TRIO: variants seen among roughly 807,000 people sequenced by gnomAD.
The protein encoded by TRIO is trio Rho guanine nucleotide exchange factor, also known as triple functional domain protein.
A neutral mutation model predicts 351.9 loss-of-function variants in TRIO; 58 were observed. The ratio of observed to expected loss-of-function variants is 0.16; its 90% CI spans 0.13 to 0.21. TRIO has a LOEUF of 0.21. TRIO is among the 10% of genes least tolerant of loss of function. The pLI is 1.00. For missense variants in TRIO, 3,201 were observed against 4,027.8 expected (o/e 0.79, Z 5.56); for synonymous variants, 1,758 against 1,595.7 (o/e 1.10, Z -2.42).
intron 10 of TRIO, 87 bp from the exon 11 acceptor site, chr5:14,336,449 G>A (rs1289767071): frequency 7.6e-7 from 1 of 1,308,182 alleles, no homozygotes; most frequent in East Asian, 2.3e-5. Flanking sequence ...ATCACAAATT[G>A]ACTGTGTTGC....
intron 13 of TRIO, among the ~76,000 whole-genome samples, chr5:14,361,604 T>C (rs1281538494): frequency 6.6e-6 from 1 of 152,244 alleles, no homozygotes; most frequent in African/African-American, 2.4e-5. Context: ...GATGGTAGAA[T>C]TGATCTGTTA....
At chr5:14,370,136 T>A (rs78771859) in intron 18 of TRIO, among the ~76,000 whole-genome samples, 1 of 151,654 alleles carries the variant, frequency 6.6e-6, no homozygotes, top group Non-Finnish European at 1.5e-5. Flanking sequence ...TTTTTTTTTT[T>A]AATTCAGCGA....
intron 9 of TRIO, among the ~76,000 whole-genome samples, chr5:14,326,122 G>T (rs1442046479): frequency 6.6e-6 from 1 of 152,192 alleles, no homozygotes; most frequent in African/African-American, 2.4e-5. Context: ...AGAGGGCCCT[G>T]CCTGTGTCTT....
intron 12 of TRIO, 63 bp from the exon 13 acceptor site, chr5:14,359,294 A>G: frequency 6.4e-7 from 1 of 1,562,852 alleles, no homozygotes; most frequent in Non-Finnish European, 8.7e-7. Context: ...GCGTGGCCGG[A>G]TCTGGTATCT....
At chr5:14,319,721 T>G (rs1739698756) in intron 9 of TRIO, among the ~76,000 whole-genome samples, 1 of 152,238 alleles carries the variant, frequency 6.6e-6, no homozygotes, top group Non-Finnish European at 1.5e-5. Flanking sequence ...TTTATGAAAG[T>G]AACCCCAGAG....
chr5:14,411,539 C>T (rs1431072152), intron 33 of TRIO, among the ~76,000 whole-genome samples: 1 of 152,178 alleles, frequency 6.6e-6, no homozygotes, highest in African/African-American at 2.4e-5. Flanking sequence ...TCATGTGGAA[C>T]CCCCTTCCCA....
chr5:14,330,204 T>A (rs975976869), intron 9 of TRIO, among the ~76,000 whole-genome samples: 2 of 152,256 alleles, frequency 1.3e-5, no homozygotes, highest in Non-Finnish European at 2.9e-5. Flanking sequence ...AACTTTTAAG[T>A]AATTAAATTC....
chr5:14,248,930 T>A (rs567292608), intron 1 of TRIO, among the ~76,000 whole-genome samples: 1 of 152,184 alleles, frequency 6.6e-6, no homozygotes, highest in Non-Finnish European at 1.5e-5. Flanking sequence ...CTGACGGTGG[T>A]GATCTCTCTC....
At chr5:14,304,739 A>C in intron 8 of TRIO, 147 bp downstream of exon 8, 3 of 953,260 alleles carry the variant, frequency 3.1e-6, no homozygotes, top group Non-Finnish European at 4.6e-6. Flanking sequence ...TAGCATTTGA[A>C]CCCCTGTGTG....
chr5:14,425,926 A>G (rs1750603970), intron 34 of TRIO, among the ~76,000 whole-genome samples: 1 of 152,248 alleles, frequency 6.6e-6, no homozygotes, highest in South Asian at 2.1e-4. Flanking sequence ...GTATTTTATT[A>G]TAGCAGCAGG....
intron 34 of TRIO, among the ~76,000 whole-genome samples, chr5:14,460,132 A>T (rs897931952): frequency 6.6e-6 from 1 of 151,962 alleles, no homozygotes; most frequent in Non-Finnish European, 1.5e-5. Flanking sequence ...TAGCCAGGAT[A>T]GTCTCGATCT....
intron 34 of TRIO, among the ~76,000 whole-genome samples, chr5:14,451,392 G>T (rs1752838500): frequency 6.6e-6 from 1 of 152,014 alleles, no homozygotes; most frequent in South Asian, 2.1e-4. Context: ...TGAAAGTGTA[G>T]AGATGACAAT....
chr5:14,218,013 A>G (rs1251268273), intron 1 of TRIO, among the ~76,000 whole-genome samples: 1 of 152,270 alleles, frequency 6.6e-6, no homozygotes, highest in Non-Finnish European at 1.5e-5. Context: ...CTGATTAAAT[A>G]AATAAAAGTC....
chr5:14,291,788 TAAAAAAAAAAAAAAAAAA>T (rs57424190), intron 5 of TRIO, among the ~76,000 whole-genome samples: 1 of 101,018 alleles, frequency 9.9e-6, no homozygotes, highest in Admixed American at 1.2e-4. Context: ...GACTCCGTCT[TAAAAAAAAAAAAAAAAAA>T]AAAAAAAAAA....
At chr5:14,243,903 C>A (rs931048224) in intron 1 of TRIO, among the ~76,000 whole-genome samples, 1 of 152,194 alleles carries the variant, frequency 6.6e-6, no homozygotes, top group Non-Finnish European at 1.5e-5. Context: ...TGCTGTTCAG[C>A]AAACTAGCTA....
At chr5:14,447,467 T>C (rs1472624384) in intron 34 of TRIO, among the ~76,000 whole-genome samples, 2 of 152,226 alleles carry the variant, frequency 1.3e-5, no homozygotes, top group Admixed American at 6.5e-5. Context: ...AATGTATACA[T>C]GAATGAAGAG....
At chr5:14,174,868 A>G (rs940929730) in intron 1 of TRIO, among the ~76,000 whole-genome samples, 3 of 152,214 alleles carry the variant, frequency 2.0e-5, no homozygotes, top group Admixed American at 1.3e-4. Flanking sequence ...TTCTAGCAGT[A>G]TCTGTGACTT....
At chr5:14,442,355 C>T (rs377260596) in intron 34 of TRIO, among the ~76,000 whole-genome samples, 30 of 152,176 alleles carry the variant, frequency 2.0e-4, no homozygotes, top group African/African-American at 5.1e-4. Flanking sequence ...AAGGGTCTTT[C>T]GGGGTGCAGG....
intron 11 of TRIO, among the ~76,000 whole-genome samples, chr5:14,337,478 C>T (rs996529417): frequency 2.0e-5 from 3 of 152,174 alleles, no homozygotes; most frequent in Admixed American, 6.5e-5. Flanking sequence ...AGGACCTTCA[C>T]AGAGGATCGT....
Sources: gnomAD v4.1 joint callset for allele counts (sites outside exome capture counted in the v4.1 genomes callset) on GRCh38, gnomAD v4.1.1 for gene constraint, MANE v1.5 for transcripts, NCBI Gene and HGNC (gene_info 2026-07-23, HGNC 2026-07-21) for gene names.